Variants in RHBDL3 observed in about 807,000 individuals in gnomAD.
The protein encoded by RHBDL3 is rhomboid like 3.
Under a neutral mutation model 48.2 loss-of-function variants are expected in RHBDL3, and 28 were observed. The observed-to-expected ratio is 0.58, with a 90% CI of 0.43 to 0.80. The LOEUF (loss-of-function observed/expected upper bound fraction) is 0.80, where lower values mean the gene tolerates loss of function less well. Among genes scored for constraint, RHBDL3 ranks in the 30% least tolerant of loss-of-function variants. The pLI is 0.00. For missense variants in RHBDL3, 464 were observed against 542.7 expected (o/e 0.85, Z 1.44); for synonymous variants, 208 against 232.3 (o/e 0.90, Z 0.95).
chr17:32,267,860 TCTC>T (rs924345958), intron 1 of RHBDL3, 39 bp from the exon 2 acceptor site: 2 of 1,613,696 alleles, frequency 1.2e-6, no homozygotes, highest in African/African-American at 1.3e-5. Context: ...TCTTTCTTTC[TCTC>T]CTCTTCTTCC....
At chr17:32,303,492 C>G (rs770568171) in intron 6 of RHBDL3, among the ~76,000 whole-genome samples, 83 of 152,022 alleles carry the variant, frequency 5.5e-4, no homozygotes, top group Non-Finnish European at 1.6e-4. Context: ...TATGGCTGAC[C>G]CTGTGGCTAA....
chr17:32,305,933 T>C (rs2040701731), intron 7 of RHBDL3, among the ~76,000 whole-genome samples: 1 of 151,268 alleles, frequency 6.6e-6, no homozygotes, highest in Non-Finnish European at 1.5e-5. Context: ...AAAAAAAAAT[T>C]TGGTCACTAG....
intron 2 of RHBDL3, chr17:32,284,454 G>A (rs71377429): frequency 0.056 from 29,694 of 528,656 alleles, 972 homozygotes; most frequent in South Asian, 0.084. Context: ...GGTTGGATTG[G>A]GTGATCCTGA....
chr17:32,272,388 G>C (rs553299331), intron 2 of RHBDL3, among the ~76,000 whole-genome samples: 2 of 152,238 alleles, frequency 1.3e-5, no homozygotes, highest in Non-Finnish European at 2.9e-5. Flanking sequence ...TGTTCTGGGA[G>C]CTGAAAAGAG....
intron 4 of RHBDL3, among the ~76,000 whole-genome samples, chr17:32,292,247 A>G (rs117557872): frequency 0.02 from 3,117 of 152,260 alleles, 47 homozygotes; most frequent in South Asian, 0.039. Context: ...TGTTGGTGAG[A>G]ATGTGGAGAA....
At chr17:32,294,173 C>A in intron 4 of RHBDL3, 121 bp from the exon 5 acceptor site, 2 of 716,086 alleles carry the variant, frequency 2.8e-6, no homozygotes, top group South Asian at 2.3e-5. Flanking sequence ...TGTGGGGTAT[C>A]CCTCTTTCTC....
chr17:32,291,065 G>T (rs1253368053), intron 4 of RHBDL3, among the ~76,000 whole-genome samples: 1 of 151,850 alleles, frequency 6.6e-6, no homozygotes, highest in Admixed American at 6.6e-5. Flanking sequence ...GGACGTGGTG[G>T]CTCACACCTG....
At chr17:32,275,720 A>AGG (rs1567762755) in intron 2 of RHBDL3, among the ~76,000 whole-genome samples, 5 of 152,296 alleles carry the variant, frequency 3.3e-5, no homozygotes, top group Admixed American at 3.3e-4. Context: ...ACTTTGGGCA[A>AGG]GGGGGATGCT....
intron 8 of RHBDL3, among the ~76,000 whole-genome samples, chr17:32,320,005 G>A (rs2041083807): frequency 6.6e-6 from 1 of 152,072 alleles, no homozygotes; most frequent in African/African-American, 2.4e-5. Flanking sequence ...GGGTGTGGTG[G>A]CTCATGCCTA....
At chr17:32,308,712 C>T (rs957026216) in intron 7 of RHBDL3, among the ~76,000 whole-genome samples, 4 of 152,206 alleles carry the variant, frequency 2.6e-5, no homozygotes, top group African/African-American at 9.7e-5. Context: ...CAAGAGGCTA[C>T]CTTTACTCAA....
At chr17:32,294,252 GGCAGTGT>G in intron 4 of RHBDL3, 35 bp from the exon 5 acceptor site, 1 of 1,587,056 alleles carries the variant, frequency 6.3e-7, no homozygotes, top group Non-Finnish European at 8.6e-7. Context: ...AAGTTTCCTG[GGCAGTGT>G]GCACCTAGTA....
At chr17:32,319,248 C>G (rs369401962) in intron 8 of RHBDL3, among the ~76,000 whole-genome samples, 1 of 151,810 alleles carries the variant, frequency 6.6e-6, no homozygotes, top group South Asian at 2.1e-4. Flanking sequence ...CGGTGAAACC[C>G]CGTCTCTACT....
intron 2 of RHBDL3, among the ~76,000 whole-genome samples, chr17:32,272,282 C>T (rs550970401): frequency 6.7e-4 from 102 of 152,360 alleles, no homozygotes; most frequent in African/African-American, 2.2e-3. Flanking sequence ...TTTCTGACTT[C>T]CAGTGTCTCC....
intron 6 of RHBDL3, among the ~76,000 whole-genome samples, chr17:32,299,902 G>C (rs1481223018): frequency 1.3e-5 from 2 of 152,216 alleles, no homozygotes; most frequent in East Asian, 3.8e-4. Context: ...TGAGTTGATT[G>C]ATCTGTCTCT....
At chr17:32,267,857 T>C in intron 1 of RHBDL3, 45 bp from the exon 2 acceptor site, 1 of 1,613,818 alleles carries the variant, frequency 6.2e-7, no homozygotes, top group East Asian at 2.2e-5. Flanking sequence ...GTGTCTTTCT[T>C]TCTCTCCTCT....
At chr17:32,293,784 G>T (rs1437675166) in intron 4 of RHBDL3, among the ~76,000 whole-genome samples, 1 of 141,726 alleles carries the variant, frequency 7.1e-6, no homozygotes, top group African/African-American at 2.7e-5. Context: ...GGACCATGTT[G>T]CGGCCATTTG....
intron 2 of RHBDL3, among the ~76,000 whole-genome samples, chr17:32,282,760 C>A (rs2040085612): frequency 6.6e-6 from 1 of 152,106 alleles, no homozygotes. Flanking sequence ...GTAGCTGGGA[C>A]TACAGGCGCC....
intron 2 of RHBDL3, chr17:32,280,513 C>T (rs1305167530): frequency 6.6e-6 from 1 of 152,156 alleles, no homozygotes; most frequent in South Asian, 2.1e-4. Flanking sequence ...GGATATGTGC[C>T]CAGAGAGGGT....
chr17:32,266,827 C>CG (rs1567757624), intron 1 of RHBDL3, among the ~76,000 whole-genome samples: 2 of 152,202 alleles, frequency 1.3e-5, no homozygotes, highest in South Asian at 4.1e-4. Flanking sequence ...CCTCTGACCC[C>CG]GGCCGGAGCA....
Sources: gnomAD v4.1 joint callset for allele counts (sites outside exome capture counted in the v4.1 genomes callset) on GRCh38, gnomAD v4.1.1 for gene constraint, MANE v1.5 for transcripts, NCBI Gene and HGNC (gene_info 2026-07-23, HGNC 2026-07-21) for gene names.